Variants in DLEU7 observed in about 807,000 individuals in gnomAD.
DLEU7 encodes leukemia-associated protein 7.
DLEU7 carries 17 observed loss-of-function variants against 16.0 expected under a neutral mutation model. That is an observed-to-expected ratio of 1.06 (90% CI 0.73 to 1.59). The LOEUF (loss-of-function observed/expected upper bound fraction) is 1.59. Among genes scored for constraint, DLEU7 ranks in the 40% most tolerant of loss-of-function variants. The pLI is 0.00. For missense variants in DLEU7, 308 were observed against 314.9 expected (o/e 0.98, Z 0.17); for synonymous variants, 113 against 139.8 (o/e 0.81, Z 1.35).
intron 1 of DLEU7, among the ~76,000 whole-genome samples, chr13:50,803,844 T>C (rs994488320): frequency 6.6e-6 from 1 of 152,148 alleles, no homozygotes; most frequent in African/African-American, 2.4e-5. Flanking sequence ...TTTTGCCCAG[T>C]TTATTTTTAT....
At position 50,805,215 on chromosome 13, in the gene DLEU7, C is replaced by G. The variant is rs376131882; in HGVS notation, c.459+37973G>C. 3.1e-4 allele frequency among the ~76,000 whole-genome samples: 47 copies of G among 152,232 alleles called. 1 individual carries two copies. The East Asian group carries it at 7.9e-3, about 26-fold the overall frequency. ...ATATTGCACTAGGTTAAGGAAGTAT[C>G]TATTGCCATTTATTGACAGTTTTGT... On this transcript the variant is annotated intron_variant, in intron 1 of 1. Coordinates refer to the DLEU7 transcript ENST00000400393.
intron 1 of DLEU7, among the ~76,000 whole-genome samples, chr13:50,812,201 T>G (rs1876591237): frequency 6.6e-6 from 1 of 152,168 alleles, no homozygotes; most frequent in South Asian, 2.1e-4. Flanking sequence ...AGAAATGCGA[T>G]TTGAAAATCA....
chr13:50,727,695 C>G (rs2137713221), intron 1 of DLEU7, among the ~76,000 whole-genome samples: 1 of 152,302 alleles, frequency 6.6e-6, no homozygotes, highest in African/African-American at 2.4e-5. Context: ...TTCCCTGGGC[C>G]AGTCCTCTTC....
intron 1 of DLEU7, among the ~76,000 whole-genome samples, chr13:50,814,949 A>G (rs1384892942): frequency 6.6e-6 from 1 of 152,010 alleles, no homozygotes; most frequent in African/African-American, 2.4e-5. Context: ...AGATTTTGCC[A>G]CTATGAATCT....
At chr13:50,817,637 G>A (rs1394940628) in intron 1 of DLEU7, among the ~76,000 whole-genome samples, 2 of 152,160 alleles carry the variant, frequency 1.3e-5, no homozygotes, top group African/African-American at 4.8e-5. Context: ...AGGAAAAATG[G>A]AAAATGGAGC....
chr13:50,816,706 A>C (rs9568476), intron 1 of DLEU7, among the ~76,000 whole-genome samples: 78,044 of 151,842 alleles, frequency 0.51, 20,462 homozygotes, highest in Middle Eastern at 0.58. Context: ...TTGTGAGGAG[A>C]ACTATATTTT....
chr13:50,734,962 A>G (rs1194649646), intron 1 of DLEU7, among the ~76,000 whole-genome samples: 1 of 152,192 alleles, frequency 6.6e-6, no homozygotes, highest in East Asian at 1.9e-4. Context: ...AGAAGGATAC[A>G]TACCATGCAA....
At chr13:50,759,738 GGGAAATATT>G (rs1874869260) in intron 1 of DLEU7, among the ~76,000 whole-genome samples, 1 of 152,138 alleles carries the variant, frequency 6.6e-6, no homozygotes, top group South Asian at 2.1e-4. Context: ...TGACCCGTGA[GGGAAATATT>G]GGACCTATTT....
intron 1 of DLEU7, among the ~76,000 whole-genome samples, chr13:50,762,152 C>A (rs1339791605): frequency 1.4e-5 from 2 of 142,670 alleles, no homozygotes; most frequent in Non-Finnish European, 3.0e-5. Flanking sequence ...GATCGCACCA[C>A]TGCACTCCAG....
chr13:50,829,320 G>C (rs1375261048), intron 1 of DLEU7, among the ~76,000 whole-genome samples: 1 of 152,136 alleles, frequency 6.6e-6, no homozygotes, highest in Non-Finnish European at 1.5e-5. Context: ...AAAATTGTCC[G>C]ATTGCTTTAT....
chr13:50,720,347 T>C (rs1289066083), intron 1 of DLEU7, among the ~76,000 whole-genome samples: 1 of 152,218 alleles, frequency 6.6e-6, no homozygotes, highest in Non-Finnish European at 1.5e-5. Context: ...TGGTAAGATC[T>C]TTAAAAATGG....
At chr13:50,827,867 A>T (rs1877142573) in intron 1 of DLEU7, among the ~76,000 whole-genome samples, 1 of 152,202 alleles carries the variant, frequency 6.6e-6, no homozygotes, top group Admixed American at 6.5e-5. Context: ...GATAATGATT[A>T]CTATATTGGT....
At chr13:50,738,997 ACACACACG>A (rs1380974199) in intron 1 of DLEU7, among the ~76,000 whole-genome samples, 7 of 103,068 alleles carry the variant, frequency 6.8e-5, no homozygotes, top group African/African-American at 4.4e-4. Flanking sequence ...ACACACACAC[ACACACACG>A]CACACACACA....
At position 50,843,433 on chromosome 13, in the gene DLEU7, C is replaced by T. The variant is rs1455181288; in HGVS notation, c.214G>A (p.Val72Met). ...GPGREERGGG[V>M]GTRSRRTAAR... ...GCGGTCCGCCGACTCCTGGTCCCCA[C>T]GCCCCCGCCCCGCTCCTCGCGCCCG... The change falls in exon 1 of 2, where the codon GTG (valine) becomes ATG (methionine). Residue 72 changes from valine to methionine, a missense_variant. Val to Met is a conservative substitution (Grantham distance 21, BLOSUM62 1). Transcript: ENST00000504404. The surrounding 1 kb of genome is among the most constrained non-coding windows in gnomAD (Gnocchi z 5.7). The T allele has an allele frequency of 6.9e-6, 9 of 1,306,668 alleles. No individual in the cohort carries two copies. In the South Asian group the frequency reaches 7.4e-5, roughly 11 times the overall value. 80.9% of individuals were successfully genotyped at this position (1,306,668 alleles called of 1,614,324 possible). A position where few individuals can be genotyped will look rare whatever the true frequency, so the allele number is the denominator to read the frequency against.
chr13:50,774,003 C>G (rs959715820), intron 1 of DLEU7, among the ~76,000 whole-genome samples: 1 of 152,208 alleles, frequency 6.6e-6, no homozygotes, highest in Non-Finnish European at 1.5e-5. Context: ...CAGGCTGCTG[C>G]CCCGCAGTTC....
At chr13:50,735,259 T>A (rs960389105) in intron 1 of DLEU7, among the ~76,000 whole-genome samples, 1 of 152,142 alleles carries the variant, frequency 6.6e-6, no homozygotes, top group Non-Finnish European at 1.5e-5. Context: ...AAGAATTCAG[T>A]AAAGACATAA....
intron 1 of DLEU7, among the ~76,000 whole-genome samples, chr13:50,812,702 GAATAGTTACATATAGCTATATATGTATA>G (rs1278425740): frequency 6.1e-4 from 92 of 152,048 alleles, no homozygotes; most frequent in African/African-American, 2.1e-3. Context: ...TGATATATGT[GAATAGTTACATATAGCTATATATGTATA>G]AATAGTTACA....
At chr13:50,732,921 TG>T (rs1482164951) in intron 1 of DLEU7, among the ~76,000 whole-genome samples, 3 of 152,262 alleles carry the variant, frequency 2.0e-5, no homozygotes, top group African/African-American at 7.2e-5. Context: ...GATATGGCTG[TG>T]GACCAGAAAA....
chr13:50,745,084 T>C (rs1874356779), intron 1 of DLEU7, among the ~76,000 whole-genome samples: 1 of 152,146 alleles, frequency 6.6e-6, no homozygotes. Flanking sequence ...CCCAACAGAA[T>C]TGAAAGCAGC....
Sources: allele counts gnomAD v4.1 joint callset (sites outside exome capture counted in the v4.1 genomes callset), GRCh38; gene constraint gnomAD v4.1.1; non-coding constraint Gnocchi (gnomAD v3.1); transcripts MANE v1.5; gene names NCBI Gene and HGNC (gene_info 2026-07-23, HGNC 2026-07-21).